The following NYAP2 variants were observed in gnomAD, a reference collection of about 807,000 sequenced individuals.
The protein encoded by NYAP2 is neuronal tyrosine-phosphorylated phosphoinositide-3-kinase adaptor 2.
In NYAP2, 23 loss-of-function variants were observed where a neutral mutation model predicts 50.4. That is an observed-to-expected ratio of 0.46 (90% confidence interval 0.33 to 0.65). The LOEUF (loss-of-function observed/expected upper bound fraction) is 0.65. Ranked by LOEUF, NYAP2 falls within the 30% of genes least tolerant of loss-of-function variation. The pLI, the probability that NYAP2 is intolerant of heterozygous loss-of-function variation, is 0.02. For synonymous variants in NYAP2, 394 were observed against 365.2 expected, an observed-to-expected ratio of 1.08 and a Z score of -0.90; for missense variants, 885 against 861.0, an observed-to-expected ratio of 1.03 and a Z score of -0.35.
At chr2:225,606,383 T>C (rs1214872569) in intron 5 of NYAP2, among the ~76,000 whole-genome samples, 1 of 152,152 alleles carries the variant, frequency 6.6e-6, no homozygotes, top group Non-Finnish European at 1.5e-5. Context: ...ATCTAGGCCA[T>C]TTCTAATAAA....
chr2:225,462,804 G>T (rs1353194960), intron 3 of NYAP2, among the ~76,000 whole-genome samples: 2 of 151,918 alleles, frequency 1.3e-5, no homozygotes, highest in Non-Finnish European at 2.9e-5. Flanking sequence ...TAAAAAAACT[G>T]ACCTGTTTTG....
intron 3 of NYAP2, among the ~76,000 whole-genome samples, chr2:225,436,382 A>G (rs1689377502): frequency 6.6e-6 from 1 of 152,132 alleles, no homozygotes. Context: ...CTAGCTTGAC[A>G]TGGTTTGCTG....
rs1233443215 is a variant in NYAP2, at chr2:225,509,848, T to C, written c.222-3523T>C. On this transcript the variant is annotated intron_variant, in intron 3 of 6. Transcript: ENST00000636099. ...TGCATACCATCACAGCTGCCAGGTA[T>C]TTGATCTCCTACCTGTACAAGGAAT... Among the ~76,000 whole-genome samples, 6 of 152,310 alleles carry C rather than the reference T, an allele frequency of 3.9e-5. No homozygotes were observed. In the East Asian group the frequency reaches 7.7e-4, roughly 20 times the overall value.
intron 4 of NYAP2, among the ~76,000 whole-genome samples, chr2:225,524,879 A>G (rs1691125701): frequency 6.6e-6 from 1 of 152,220 alleles, no homozygotes; most frequent in Admixed American, 6.5e-5. Flanking sequence ...AGAAACTCAA[A>G]CAACTAAAGG....
chr2:225,484,238 C>G (rs950924875), intron 3 of NYAP2, among the ~76,000 whole-genome samples: 6 of 152,188 alleles, frequency 3.9e-5, no homozygotes, highest in African/African-American at 1.4e-4. Context: ...GTTCTACAAG[C>G]AGGCCATAAA....
chr2:225,538,799 TTTC>T (rs1330025259), intron 4 of NYAP2, among the ~76,000 whole-genome samples: 3,283 of 52,574 alleles, frequency 0.062, 103 homozygotes, highest in Admixed American at 0.1. Flanking sequence ...TCTTTCTTTC[TTTC>T]TTTCTTTCTT....
At chr2:225,488,375 G>C (rs1265934349) in intron 3 of NYAP2, among the ~76,000 whole-genome samples, 1 of 152,080 alleles carries the variant, frequency 6.6e-6, no homozygotes, top group African/African-American at 2.4e-5. Context: ...TATTTCATCT[G>C]TTTTATATGA....
At chr2:225,438,499 A>G (rs1262443272) in intron 3 of NYAP2, among the ~76,000 whole-genome samples, 1 of 152,250 alleles carries the variant, frequency 6.6e-6, no homozygotes, top group Non-Finnish European at 1.5e-5. Flanking sequence ...CTGCTGTTCA[A>G]TAGCACTTTG....
At chr2:225,607,095 A>G (rs1299837539) in intron 5 of NYAP2, among the ~76,000 whole-genome samples, 3 of 152,136 alleles carry the variant, frequency 2.0e-5, no homozygotes, top group Non-Finnish European at 4.4e-5. Flanking sequence ...TAAGGCTCAC[A>G]TGAATCCTAT....
intron 6 of NYAP2, among the ~76,000 whole-genome samples, chr2:225,638,096 T>C (rs1693454045): frequency 6.6e-6 from 1 of 151,756 alleles, no homozygotes; most frequent in South Asian, 2.1e-4. Flanking sequence ...ACTCTAGATA[T>C]TAGAGAGAAT....
intron 3 of NYAP2, among the ~76,000 whole-genome samples, chr2:225,450,651 T>G (rs1689635018): frequency 6.6e-6 from 1 of 152,244 alleles, no homozygotes; most frequent in Non-Finnish European, 1.5e-5. Flanking sequence ...TTATGACCAG[T>G]GAATTTGTGC....
chr2:225,666,795 A>C, the NYAP2 span, among the ~76,000 whole-genome samples: 54 of 152,180 alleles, frequency 3.5e-4, no homozygotes, highest in African/African-American at 1.3e-3. Flanking sequence ...AAAGAAAAAG[A>C]TCTAGCTACC....
At chr2:225,537,159 G>C (rs932168218) in intron 4 of NYAP2, among the ~76,000 whole-genome samples, 3 of 151,996 alleles carry the variant, frequency 2.0e-5, no homozygotes, top group African/African-American at 7.3e-5. Context: ...CCCAGCCTCT[G>C]GTAATCTTCC....
intron 3 of NYAP2, among the ~76,000 whole-genome samples, chr2:225,443,233 A>G (rs1297753001): frequency 6.6e-6 from 1 of 152,192 alleles, no homozygotes; most frequent in Non-Finnish European, 1.5e-5. Flanking sequence ...ACTCTGGGCA[A>G]ATTATTACTT....
At chr2:225,469,415 A>C (rs1419819556) in intron 3 of NYAP2, among the ~76,000 whole-genome samples, 2 of 150,634 alleles carry the variant, frequency 1.3e-5, no homozygotes, top group Non-Finnish European at 3.0e-5. Context: ...CACTGTTGTA[A>C]ATTAGTTCAT....
rs147640428 is a variant in NYAP2, at chr2:225,488,752, G to A, written c.222-24619G>A. Among the ~76,000 whole-genome samples the A allele has an allele frequency of 2.8e-4, 43 of 152,290 alleles. No individual in the cohort carries two copies. The East Asian group carries it at 8.1e-3, about 29-fold the overall frequency. On this transcript the variant is annotated intron_variant, in intron 3 of 6. Transcript: ENST00000636099. ...TTTCCCAAACTTCCTGAACAGGTGG[G>A]TTTCCCTTTGGCTTCTCTCTAAGAG...
At chr2:225,565,571 T>C (rs1691947042) in intron 4 of NYAP2, among the ~76,000 whole-genome samples, 1 of 152,194 alleles carries the variant, frequency 6.6e-6, no homozygotes, top group Non-Finnish European at 1.5e-5. Flanking sequence ...AAATGTGAAG[T>C]ATGTGTAAAA....
chr2:225,425,869 A>G (rs746594436), intron 3 of NYAP2, among the ~76,000 whole-genome samples: 25 of 152,182 alleles, frequency 1.6e-4, no homozygotes, highest in African/African-American at 2.9e-4. Context: ...TACATGTCAT[A>G]TAAGTGTATT....
At chr2:225,415,274 A>C (rs765983287) in intron 3 of NYAP2, among the ~76,000 whole-genome samples, 1 of 152,332 alleles carries the variant, frequency 6.6e-6, no homozygotes, top group Non-Finnish European at 1.5e-5. Context: ...TATTTCTGTT[A>C]CTCAAAAAGA....
Sources: allele counts gnomAD v4.1 joint callset (sites outside exome capture counted in the v4.1 genomes callset), GRCh38; gene constraint gnomAD v4.1.1; transcripts MANE v1.5; gene names NCBI Gene and HGNC (gene_info 2026-07-23, HGNC 2026-07-21).